SUPT3H: variants seen among roughly 807,000 people sequenced by gnomAD.
SUPT3H encodes the protein SPT3 homolog, SAGA and STAGA complex component, also known as transcription initiation protein SPT3 homolog.
Under a neutral mutation model 44.3 loss-of-function variants are expected in SUPT3H, and 44 were observed. The observed-to-expected ratio is 0.99, with a 90% CI of 0.78 to 1.28. The LOEUF (loss-of-function observed/expected upper bound fraction) is 1.28, where lower values mean the gene tolerates loss of function less well. SUPT3H is among the 50% of genes most tolerant of loss of function. SUPT3H has a pLI of 0.00. For synonymous variants in SUPT3H, 124 were observed against 125.6 expected (o/e 0.99, Z 0.09); for missense variants, 380 against 387.1 (o/e 0.98, Z 0.15).
At chr6:45,296,106 T>C (rs1020786268) in intron 2 of SUPT3H, among the ~76,000 whole-genome samples, 7 of 151,548 alleles carry the variant, frequency 4.6e-5, no homozygotes, top group East Asian at 1.9e-4. Context: ...GATAAGGAAA[T>C]TGTGATATAT....
At chr6:45,056,179 TA>T (rs1791092124) in intron 3 of SUPT3H, among the ~76,000 whole-genome samples, 1 of 152,002 alleles carries the variant, frequency 6.6e-6, no homozygotes, top group African/African-American at 2.4e-5. Context: ...AATCAAAAAG[TA>T]ATAGATGCTG....
chr6:44,969,033 T>C (rs899656116), intron 6 of SUPT3H, among the ~76,000 whole-genome samples: 1 of 152,170 alleles, frequency 6.6e-6, no homozygotes, highest in Non-Finnish European at 1.5e-5. Flanking sequence ...TTTAAATCAT[T>C]CCCTTTCTTC....
intron 2 of SUPT3H, among the ~76,000 whole-genome samples, chr6:45,214,044 T>C (rs879843141): frequency 1.5e-5 from 1 of 66,596 alleles, no homozygotes; most frequent in African/African-American, 6.2e-5. Flanking sequence ...AACAAGTCAA[T>C]AGACTAAAAG....
At chr6:45,054,317 C>CA (rs1790786625) in intron 3 of SUPT3H, among the ~76,000 whole-genome samples, 1 of 152,084 alleles carries the variant, frequency 6.6e-6, no homozygotes, top group African/African-American at 2.4e-5. Context: ...ACCCCACACA[C>CA]AGAGGCAAGG....
intron 2 of SUPT3H, among the ~76,000 whole-genome samples, chr6:45,130,260 A>G (rs1803223460): frequency 6.6e-6 from 1 of 152,180 alleles, no homozygotes; most frequent in Non-Finnish European, 1.5e-5. Context: ...ATATTTAATA[A>G]TCGAATTATA....
intron 2 of SUPT3H, among the ~76,000 whole-genome samples, chr6:45,283,789 T>C (rs986228923): frequency 3.3e-5 from 5 of 152,046 alleles, no homozygotes; most frequent in African/African-American, 7.2e-5. Flanking sequence ...ATACATTCTT[T>C]TCAGCACCAC....
chr6:45,342,480 C>T (rs1158492521), intron 2 of SUPT3H, among the ~76,000 whole-genome samples: 6 of 152,028 alleles, frequency 3.9e-5, no homozygotes, highest in Non-Finnish European at 5.9e-5. Flanking sequence ...AGGATGGTCT[C>T]GATCTTCTGA....
At chr6:45,340,575 C>T (rs1789570879) in intron 2 of SUPT3H, among the ~76,000 whole-genome samples, 1 of 152,030 alleles carries the variant, frequency 6.6e-6, no homozygotes, top group Non-Finnish European at 1.5e-5. Context: ...CCTCCCACCT[C>T]AGTCTCCCAA....
At chr6:45,202,420 A>C (rs1762578586) in intron 2 of SUPT3H, among the ~76,000 whole-genome samples, 1 of 152,060 alleles carries the variant, frequency 6.6e-6, no homozygotes, top group South Asian at 2.1e-4. Flanking sequence ...AAGGCCTTAC[A>C]TACTTGTTAA....
chr6:44,942,837 G>A (rs1039648668), intron 9 of SUPT3H, among the ~76,000 whole-genome samples: 1 of 152,090 alleles, frequency 6.6e-6, no homozygotes, highest in Non-Finnish European at 1.5e-5. Context: ...CCACTGAAGA[G>A]GAGTTCAAAG....
intron 3 of SUPT3H, among the ~76,000 whole-genome samples, chr6:45,077,224 A>G (rs919881892): frequency 5.9e-5 from 9 of 152,196 alleles, no homozygotes; most frequent in Non-Finnish European, 1.0e-4. Flanking sequence ...TTAGTAGTAT[A>G]TTCATTCCTG....
chr6:45,230,686 A>ATATATATATATATATATTTTTT (rs796866510), intron 2 of SUPT3H, among the ~76,000 whole-genome samples: 3 of 116,794 alleles, frequency 2.6e-5, no homozygotes, highest in Admixed American at 8.9e-5. Context: ...ATATATATAT[A>ATATATATATATATATATTTTTT]TTTTTGAGAT....
Position 44,971,408 on chromosome 6 carries a change from G to T in SUPT3H, c.505-9580C>A, listed in dbSNP as rs142226502. On this transcript the variant is annotated intron_variant, in intron 6 of 10. Transcript: ENST00000371459. Reference sequence around the variant, plus strand: ...CTGACTCACATTTCCACAGAACTGGGGAGGCCTCAGGAAACTTACAATCAT... The same window carrying T: ...CTGACTCACATTTCCACAGAACTGGTGAGGCCTCAGGAAACTTACAATCAT... 3.9e-3 allele frequency among the ~76,000 whole-genome samples: 595 copies of T among 152,178 alleles called. 7 individuals are homozygous for T. Among genetic ancestry groups the T allele is most frequent in the African/African-American group, 0.014 (567 of 41,508 alleles).
intron 2 of SUPT3H, among the ~76,000 whole-genome samples, chr6:45,127,510 G>C (rs1214801311): frequency 6.6e-6 from 1 of 152,090 alleles, no homozygotes; most frequent in Non-Finnish European, 1.5e-5. Context: ...TAAATAATTT[G>C]TCTAAGGTCA....
Position 45,158,298 on chromosome 6 carries a change from A to ATATATATATAT in SUPT3H, c.102-52293_102-52292insATATATATATA. 2.2e-3 allele frequency among the ~76,000 whole-genome samples: 223 copies of ATATATATATAT among 99,680 alleles called. 15 individuals are homozygous for ATATATATATAT. The highest frequency in any genetic ancestry group is 0.011 in the African/African-American group (214 of 19,974). The allele number at this position is 99,680 out of a possible 152,430, so 65.4% of individuals were successfully genotyped here. On this transcript the variant is annotated intron_variant, in intron 2 of 10. Transcript: ENST00000371459. Reference sequence around the variant, plus strand: ...TACATATATATATATATATATATATATTTTTTTTTTTTTTTTTTTGAGATG... The same window carrying ATATATATATAT: ...TACATATATATATATATATATATATATATATATATATTTTTTTTTTTTTTTTTTTTGAGATG...
At chr6:45,234,467 G>C (rs572405220) in intron 2 of SUPT3H, among the ~76,000 whole-genome samples, 1 of 149,880 alleles carries the variant, frequency 6.7e-6, no homozygotes, top group South Asian at 2.1e-4. Flanking sequence ...GGAGGCAGAG[G>C]TTGCAGTGAG....
chr6:45,287,200 C>G (rs1301383511), intron 2 of SUPT3H, among the ~76,000 whole-genome samples: 1 of 151,462 alleles, frequency 6.6e-6, no homozygotes, highest in Non-Finnish European at 1.5e-5. Flanking sequence ...ATGTAACAAA[C>G]CTGCACATTG....
chr6:44,912,974 T>C (rs1767290857), intron 10 of SUPT3H, among the ~76,000 whole-genome samples: 1 of 152,190 alleles, frequency 6.6e-6, no homozygotes, highest in South Asian at 2.1e-4. Flanking sequence ...AAATGCCTTC[T>C]TCCCAAGAAA....
intron 2 of SUPT3H, among the ~76,000 whole-genome samples, chr6:45,160,021 G>C (rs1178611280): frequency 6.6e-6 from 1 of 152,088 alleles, no homozygotes; most frequent in Admixed American, 6.6e-5. Context: ...AGTCATCAGA[G>C]AAATAAAATA....
Sources: allele counts gnomAD v4.1 joint callset (sites outside exome capture counted in the v4.1 genomes callset), GRCh38; gene constraint gnomAD v4.1.1; transcripts MANE v1.5; gene names NCBI Gene and HGNC (gene_info 2026-07-23, HGNC 2026-07-21).